Variants in POTEF observed in about 807,000 individuals in gnomAD.
POTEF encodes ANKRD26-like family C member 1B.
POTEF carries 20 observed loss-of-function variants against 83.2 expected under a neutral mutation model. The observed-to-expected ratio is 0.24, with a 90% CI of 0.17 to 0.35. POTEF has a LOEUF of 0.35. Among genes scored for constraint, POTEF ranks in the 10% least tolerant of loss-of-function variants. The probability of loss-of-function intolerance (pLI) is 1.00; values close to 1 mark genes in which losing one functional copy is unlikely to be tolerated. For synonymous variants in POTEF, 196 were observed against 446.4 expected (o/e 0.44, Z 7.07); for missense variants, 550 against 1,203.2 (o/e 0.46, Z 8.03).
intron 3 of POTEF, among the ~76,000 whole-genome samples, chr2:130,119,196 C>T (rs1327414491): frequency 6.6e-6 from 1 of 150,624 alleles, no homozygotes; most frequent in East Asian, 1.9e-4. Flanking sequence ...CGGAGTCTCG[C>T]TCTGTTGCCC....
chr2:130,129,029 C>A (rs1439139117), intron 1 of POTEF, 43 bp downstream of exon 1: 1 of 114,370 alleles, frequency 8.7e-6, no homozygotes, highest in Non-Finnish European at 1.8e-5. Flanking sequence ...GGACACCCAA[C>A]CCCTGCCCCC....
chr2:130,115,926 G>A (rs1364819330), intron 3 of POTEF, among the ~76,000 whole-genome samples: 2 of 151,992 alleles, frequency 1.3e-5, no homozygotes, highest in Admixed American at 1.3e-4. Flanking sequence ...TACAATTCAT[G>A]ATTTACTATA....
At chr2:130,107,909 TC>T in intron 8 of POTEF, 99 bp downstream of exon 8, 3 of 923,462 alleles carry the variant, frequency 3.2e-6, no homozygotes, top group Non-Finnish European at 4.7e-6. Context: ...ATCCCCACCC[TC>T]CCCCAGCCCA....
At chr2:130,113,251 G>A (rs1684758679) in intron 5 of POTEF, among the ~76,000 whole-genome samples, 2 of 117,244 alleles carry the variant, frequency 1.7e-5, no homozygotes, top group Admixed American at 9.4e-5. Flanking sequence ...TGAGGTTGGA[G>A]GACCATCTGA....
intron 8 of POTEF, chr2:130,107,771 A>C: frequency 2.1e-6 from 1 of 467,864 alleles, no homozygotes; most frequent in South Asian, 2.4e-5. Flanking sequence ...AGTTGCAGAA[A>C]AATAAGTTCA....
chr2:130,114,256 C>T (rs1056098768), intron 5 of POTEF, among the ~76,000 whole-genome samples: 2 of 151,720 alleles, frequency 1.3e-5, no homozygotes, highest in African/African-American at 4.9e-5. Flanking sequence ...AGAACCTTGT[C>T]TCACCATGCA....
intron 7 of POTEF, among the ~76,000 whole-genome samples, chr2:130,110,276 T>C (rs1486194529): frequency 6.7e-6 from 1 of 150,354 alleles, no homozygotes; most frequent in African/African-American, 2.5e-5. Context: ...TGCATAGGTG[T>C]TACACTTGGA....
chr2:130,128,416 C>A (rs1232878590), intron 1 of POTEF, among the ~76,000 whole-genome samples: 1 of 151,810 alleles, frequency 6.6e-6, no homozygotes, highest in Non-Finnish European at 1.5e-5. Context: ...CCCACCACCT[C>A]TGCAGCCGAC....
chr2:130,122,012 A>C (rs1409896693), intron 2 of POTEF, among the ~76,000 whole-genome samples: 2 of 151,832 alleles, frequency 1.3e-5, no homozygotes, highest in Non-Finnish European at 2.9e-5. Context: ...CTATTACCTA[A>C]GAATTTGCCT....
At chr2:130,106,869 CATAAAT>C (rs916851171) in intron 8 of POTEF, among the ~76,000 whole-genome samples, 2 of 148,604 alleles carry the variant, frequency 1.3e-5, no homozygotes, top group African/African-American at 5.2e-5. Context: ...CAAGTGAAAA[CATAAAT>C]AGAAATGTTT....
intron 16 of POTEF, among the ~76,000 whole-genome samples, chr2:130,075,950 A>T (rs1401092737): frequency 6.7e-6 from 1 of 148,362 alleles, no homozygotes; most frequent in African/African-American, 2.5e-5. Context: ...ATTTGACTAC[A>T]TTTTTAAGAT....
At chr2:130,128,674 C>G (rs1177548536) in intron 1 of POTEF, among the ~76,000 whole-genome samples, 5 of 152,180 alleles carry the variant, frequency 3.3e-5, no homozygotes, top group East Asian at 1.9e-4. Flanking sequence ...CCACAGGTAG[C>G]GCAGCTCCTG....
At chr2:130,127,060 G>A (rs1411076539) in intron 2 of POTEF, among the ~76,000 whole-genome samples, 9 of 151,890 alleles carry the variant, frequency 5.9e-5, no homozygotes, top group Non-Finnish European at 7.4e-5. Flanking sequence ...GGTGGCTCAC[G>A]CCTATAATCC....
In POTEF at chr2:130,075,174, G is replaced by A. The variant is rs373389063; in HGVS notation, c.2298C>T (p.Thr766=). 4.9e-5 allele frequency: 79 copies of A among 1,613,124 alleles called. 1 individual carries two copies. In the African/African-American group the frequency reaches 8.8e-4, roughly 18 times the overall value. ...KEAQSKRGIL[T]LKYPMEHGII... ...TGCCGTGTTCCATGGGGTACTTCAG[G>A]GTCAGGATGCCTCTTTTGCTCTGGG... Residue 766 remains threonine (T), a synonymous_variant, in exon 17 of 17, where the codon ACC becomes ACT. Coordinates refer to ENST00000409914, the MANE Select transcript of POTEF (RefSeq NM_001099771.2).
intron 2 of POTEF, among the ~76,000 whole-genome samples, chr2:130,122,880 CA>C: frequency 6.6e-6 from 1 of 151,748 alleles, no homozygotes; most frequent in East Asian, 1.9e-4. Context: ...TTGTAACTCT[CA>C]ACTTTATTGA....
chr2:130,110,130 T>A (rs927503602), intron 7 of POTEF, among the ~76,000 whole-genome samples: 1 of 151,504 alleles, frequency 6.6e-6, no homozygotes, highest in African/African-American at 2.4e-5. Flanking sequence ...GTGAACTCCT[T>A]CGGTTCTTGA....
At chr2:130,103,079 T>G (rs1453986030) in intron 8 of POTEF, among the ~76,000 whole-genome samples, 1 of 144,256 alleles carries the variant, frequency 6.9e-6, no homozygotes, top group Admixed American at 7.4e-5. Flanking sequence ...TTCTGACACA[T>G]TTATTTTCAT....
chr2:130,075,404 G>C lies in POTEF; in HGVS notation c.2068C>G (p.Leu690Val), dbSNP rs1384459654. Residue 690 changes from leucine to valine, a missense_variant, in exon 17 of 17, where the codon CTT (leucine) becomes GTT (valine). By Grantham distance (32) the Leu-to-Val change is conservative (BLOSUM62 1). Transcript: ENST00000409914. Reference protein sequence around the residue: ...IESVKKRNDNLLKALQLNELT... With the variant: ...IESVKKRNDNVLKALQLNELT... ...TCATTCAATTGTAGAGCCTTTAAAA[G>C]ATTATCATTCCTTTTTTTCACACTT... 2 of 1,611,522 alleles carry C rather than the reference G, an allele frequency of 1.2e-6. 1 individual carries two copies. Among genetic ancestry groups the C allele is most frequent in the African/African-American group, 2.7e-5 (2 of 74,670 alleles).
In POTEF at chr2:130,110,103, T is replaced by C. The variant is rs576427815; in HGVS notation, c.1055+440A>G. Among the ~76,000 whole-genome samples, 3 of 151,594 alleles carry C rather than the reference T, an allele frequency of 2.0e-5. No individual in the cohort carries two copies. The South Asian group carries it at 6.2e-4, about 31-fold the overall frequency. Reference sequence around the variant, plus strand: ...CTCCTTCTGACTTGATAAAAGGGACTGTCTTCCTTGGATTTAGTGAACTCC... The same window carrying C: ...CTCCTTCTGACTTGATAAAAGGGACCGTCTTCCTTGGATTTAGTGAACTCC... On this transcript the variant is annotated intron_variant, in intron 7 of 16. Transcript: ENST00000409914.
Sources: gnomAD v4.1 joint callset for allele counts (sites outside exome capture counted in the v4.1 genomes callset) on GRCh38, gnomAD v4.1.1 for gene constraint, MANE v1.5 for transcripts, NCBI Gene and HGNC (gene_info 2026-07-23, HGNC 2026-07-21) for gene names.